The following COL5A1 variants were observed in gnomAD, a reference collection of about 807,000 sequenced individuals.
COL5A1 encodes collagen type V alpha 1 chain, also known as collagen alpha-1(V) chain.
Under a neutral mutation model 263.7 loss-of-function variants are expected in COL5A1, and 16 were observed. That is an observed-to-expected ratio of 0.06 (90% CI 0.04 to 0.09). The LOEUF (loss-of-function observed/expected upper bound fraction) is 0.09, where lower values mean the gene tolerates loss of function less well. COL5A1 is among the 10% of genes least tolerant of loss of function. The pLI, the probability that COL5A1 is intolerant of heterozygous loss-of-function variation, is 1.00. For missense variants in COL5A1, 2,036 were observed against 2,540.5 expected (o/e 0.80, Z 4.27); for synonymous variants, 1,012 against 1,004.5 (o/e 1.01, Z -0.14).
chr9:134,699,393 A>G (rs928535628), intron 2 of COL5A1, among the ~76,000 whole-genome samples: 1 of 152,172 alleles, frequency 6.6e-6, no homozygotes, highest in Non-Finnish European at 1.5e-5. Flanking sequence ...GTCACAAAGT[A>G]CAATTCTAGT....
In COL5A1 at chr9:134,699,957, A is replaced by G. The variant is rs1234993659; in HGVS notation, c.326A>G (p.Lys109Arg). The G allele has an allele frequency of 6.2e-7, 1 of 1,613,990 alleles. No homozygotes were observed. Among genetic ancestry groups the G allele is most frequent in the East Asian group, 2.2e-5 (1 of 44,884 alleles). Residue 109 changes from lysine (K) to arginine (R), a missense_variant, in exon 3 of 66, where the codon AAG (lysine) becomes AGG (arginine). By Grantham distance (26) the Lys-to-Arg change is conservative (BLOSUM62 2). Around this residue, in one of 3 missense-constraint regions of COL5A1, gnomAD observed 600 missense variants for 634.5 expected, o/e 0.95. Coordinates refer to ENST00000371817, the MANE Select transcript of COL5A1 (RefSeq NM_000093.5). The part of the protein sequence containing the change: ...DFSILTTVKA[K>R]KGSQAFLVSI... ...TCCATCCTAACAACTGTGAAAGCCA[A>G]GAAAGGCAGCCAGGCCTTCCTGGTC...
Position 134,820,907 on chromosome 9 carries a change from G to A in COL5A1, c.4554+684G>A, listed in dbSNP as rs372867940. Among the ~76,000 whole-genome samples, 58 of 152,216 alleles carry A rather than the reference G, an allele frequency of 3.8e-4. No homozygotes were observed. In the East Asian group the frequency reaches 4.1e-3, roughly 11 times the overall value. The stretch of plus-strand genomic sequence containing the variant: ...AGCAAGGTGTGACGGACACACACAC[G>A]CACAGTATGCTGTGCCCACCCACGC... On this transcript the variant is annotated intron_variant, in intron 58 of 65. Coordinates refer to ENST00000371817, the MANE Select transcript of COL5A1 (RefSeq NM_000093.5).
intron 9 of COL5A1, among the ~76,000 whole-genome samples, chr9:134,733,219 C>T (rs1221908036): frequency 6.6e-6 from 1 of 152,188 alleles, no homozygotes; most frequent in Admixed American, 6.5e-5. Context: ...TGACCCGCCA[C>T]CCTACTGTAG....
chr9:134,667,825 C>T (rs1174501232), intron 1 of COL5A1, among the ~76,000 whole-genome samples: 1 of 152,176 alleles, frequency 6.6e-6, no homozygotes, highest in Admixed American at 6.5e-5. Flanking sequence ...TCCGTTCATC[C>T]TAGAAAAGGA....
At chr9:134,761,205 A>T (rs1340250420) in intron 18 of COL5A1, among the ~76,000 whole-genome samples, 1 of 138,438 alleles carries the variant, frequency 7.2e-6, no homozygotes, top group Non-Finnish European at 1.5e-5. Context: ...CCCCACATGC[A>T]CACAGGCATA....
At position 134,842,158 on chromosome 9, in the gene COL5A1, C is replaced by T. The variant is rs1258210858; in HGVS notation, c.5372C>T (p.Thr1791Ile). Reference sequence around the variant, plus strand: ...GCCATCTGTCTCCCTCTTCCCCAGACCAAGAAAGGCTACCAGAAGACGGTT... The same window carrying T: ...GCCATCTGTCTCCCTCTTCCCCAGATCAAGAAAGGCTACCAGAAGACGGTT... ...YIRALVDGCA[T>I]KKGYQKTVLE... The change falls in exon 66 of 66, where the codon ACC becomes ATC. Residue 1791 changes from threonine (T) to isoleucine (I), a missense_variant and splice_region_variant. Coordinates refer to ENST00000371817, the MANE Select transcript of COL5A1 (RefSeq NM_000093.5). The surrounding 1 kb of genome is among the most constrained non-coding windows in gnomAD (Gnocchi z 5.8). 2.5e-6 allele frequency: 4 copies of T among 1,614,138 alleles called. No homozygotes were observed. The African/African-American group carries it at 5.3e-5, about 22-fold the overall frequency.
At position 134,788,110 on chromosome 9, in the gene COL5A1, T is replaced by C. The variant is rs181502224; in HGVS notation, c.2647-1045T>C. On this transcript the variant is annotated intron_variant, in intron 31 of 65. Coordinates refer to ENST00000371817, the MANE Select transcript of COL5A1 (RefSeq NM_000093.5). ...GAAGAGAGGTGGATGAATGGATGGG[T>C]GGGCAGGTGGGGTAGATACATAGAT... 5.3e-5 allele frequency among the ~76,000 whole-genome samples: 8 copies of C among 150,244 alleles called. No individual in the cohort carries two copies. The East Asian group carries it at 1.6e-3, about 30-fold the overall frequency.
At chr9:134,825,471 A>G (rs1839226912) in intron 62 of COL5A1, among the ~76,000 whole-genome samples, 1 of 152,186 alleles carries the variant, frequency 6.6e-6, no homozygotes, top group African/African-American at 2.4e-5. Flanking sequence ...ATGAATTTCC[A>G]GAGTTCCTTC....
At chr9:134,713,131 A>G (rs1244428029) in intron 4 of COL5A1, among the ~76,000 whole-genome samples, 1 of 152,240 alleles carries the variant, frequency 6.6e-6, no homozygotes, top group East Asian at 1.9e-4. Context: ...CGAGCTAGCC[A>G]CGTGGCCTCA....
chr9:134,761,284 C>G (rs1307101796), intron 18 of COL5A1, among the ~76,000 whole-genome samples: 2 of 152,064 alleles, frequency 1.3e-5, no homozygotes, highest in African/African-American at 4.8e-5. Context: ...CACACATGCA[C>G]TCACACAAAC....
chr9:134,829,698 G>A (rs987770507), intron 63 of COL5A1, among the ~76,000 whole-genome samples: 7 of 150,842 alleles, frequency 4.6e-5, no homozygotes, highest in Admixed American at 1.3e-4. Flanking sequence ...GCTGGGGCCC[G>A]GCTCCTCACG....
At chr9:134,766,340 C>T in intron 21 of COL5A1, 114 bp from the exon 22 acceptor site, 2 of 1,019,596 alleles carry the variant, frequency 2.0e-6, no homozygotes, top group South Asian at 1.4e-5. Context: ...GCATCCCGTC[C>T]TCTGATTCGT....
intron 4 of COL5A1, among the ~76,000 whole-genome samples, chr9:134,706,336 G>A (rs1184184860): frequency 6.6e-6 from 1 of 152,332 alleles, no homozygotes; most frequent in African/African-American, 2.4e-5. Context: ...AAGGCAGAGG[G>A]GCTGGGCTCC....
In COL5A1 at chr9:134,730,431, G is replaced by A. The variant is rs370499963; in HGVS notation, c.1120G>A (p.Ala374Thr). The A allele has an allele frequency of 1.7e-5, 28 of 1,614,000 alleles. 1 individual carries two copies. The African/African-American group carries it at 3.3e-4, about 19-fold the overall frequency. The change falls in exon 7 of 66, where the codon GCC becomes ACC. Residue 374 changes from alanine to threonine, a missense_variant. Around this residue, in one of 3 missense-constraint regions of COL5A1, gnomAD observed 600 missense variants for 634.5 expected, o/e 0.95. Coordinates refer to ENST00000371817, the MANE Select transcript of COL5A1 (RefSeq NM_000093.5). ...CCAGCCCACAGACCCAGGCGCTGGG[G>A]CCGAAATTCCCACCAGCACCGCCGA... ...PDQPTDPGAG[A>T]EIPTSTADTS...
Position 134,742,923 on chromosome 9 carries a change from ATTCAGGCCCCAGTGAGTCCCGCCT to A in COL5A1, c.1494+4117_1494+4140del, listed in dbSNP as rs772622333. 3.2e-4 allele frequency among the ~76,000 whole-genome samples: 49 copies of A among 152,178 alleles called. No homozygotes were observed. Among genetic ancestry groups the A allele is most frequent in the Admixed American group, 1.3e-3 (20 of 15,284 alleles). ...AGAGGGCTGGGGACCATCAGTAAAGATTCAGGCCCCAGTGAGTCCCGCCTTCCATGGACTTCCAGGGCCCACACC... is the reference window on the plus strand; with the variant it reads ...AGAGGGCTGGGGACCATCAGTAAAGATCCATGGACTTCCAGGGCCCACACC... On this transcript the variant is annotated intron_variant, in intron 11 of 65. Coordinates refer to ENST00000371817, the MANE Select transcript of COL5A1 (RefSeq NM_000093.5). This position sits in a 1 kb window ranked among gnomAD's most constrained non-coding sequence, Gnocchi z 4.6.
chr9:134,781,082 C>T (rs746457986), intron 28 of COL5A1, among the ~76,000 whole-genome samples: 11 of 152,242 alleles, frequency 7.2e-5, no homozygotes, highest in Non-Finnish European at 1.6e-4. Flanking sequence ...TGCTACCTGT[C>T]GAAGATGTCG....
intron 64 of COL5A1, 151 bp downstream of exon 64, chr9:134,830,195 C>T: frequency 6.3e-7 from 1 of 1,599,726 alleles, no homozygotes; most frequent in South Asian, 1.1e-5. Context: ...CCACCTCGGC[C>T]CGGCCACCTC....
rs1831515837 is a variant in COL5A1 at position 134,647,572 on chromosome 9, G to T, written c.109+5276G>T. 6.6e-6 allele frequency among the ~76,000 whole-genome samples: 1 copy of T among 152,202 alleles called. No individual in the cohort carries two copies. The highest frequency in any genetic ancestry group is 2.4e-5 in the African/African-American group (1 of 41,450). On this transcript the variant is annotated intron_variant, in intron 1 of 65. Transcript: ENST00000371817. This position sits in a 1 kb window ranked among gnomAD's most constrained non-coding sequence, Gnocchi z 5.0. ...ACGTGCAGGGCCTGGTGTGTTTGAG[G>T]AGCTCGTGGCAGGGCGACGTTTCTC...
intron 1 of COL5A1, among the ~76,000 whole-genome samples, chr9:134,661,149 G>A (rs1832191794): frequency 6.6e-6 from 1 of 151,602 alleles, no homozygotes; most frequent in Non-Finnish European, 1.5e-5. Context: ...GCCGAGAGTT[G>A]CCTAGGGTGG....
Sources: gnomAD v4.1 joint callset for allele counts (sites outside exome capture counted in the v4.1 genomes callset) on GRCh38, gnomAD v4.1.1 for gene constraint, gnomAD v4.1.1 regional missense constraint, Gnocchi (gnomAD v3.1) non-coding constraint, MANE v1.5 for transcripts, NCBI Gene and HGNC (gene_info 2026-07-23, HGNC 2026-07-21) for gene names.